Variants in LRIG3 observed in about 807,000 individuals in gnomAD.
LRIG3 encodes the protein leucine-rich repeats and immunoglobulin-like domains protein 3.
Under a neutral mutation model 114.5 loss-of-function variants are expected in LRIG3, and 76 were observed. The ratio of observed to expected loss-of-function variants is 0.66; its 90% CI spans 0.55 to 0.80. The LOEUF (loss-of-function observed/expected upper bound fraction) is 0.80. Ranked by LOEUF, LRIG3 falls within the 30% of genes least tolerant of loss-of-function variation. The probability of loss-of-function intolerance (pLI) is 0.00; values close to 1 mark genes in which losing one functional copy is unlikely to be tolerated. For missense variants in LRIG3, 1,239 were observed against 1,382.8 expected (o/e 0.90, Z 1.65); for synonymous variants, 512 against 519.8 (o/e 0.98, Z 0.20).
In LRIG3 at chr12:58,920,273, A is replaced by C. The variant is rs1247976566; in HGVS notation, c.-38T>G. The C allele has an allele frequency of 1.5e-6, 2 of 1,299,986 alleles. No homozygotes were observed. The highest frequency in any genetic ancestry group is 6.3e-5 in the East Asian group (2 of 31,518). 80.5% of individuals were successfully genotyped at this position (1,299,986 alleles called of 1,614,324 possible). A position where few individuals can be genotyped will look rare whatever the true frequency, so the allele number is the denominator to read the frequency against. ...GCCTAGGTCTCTACCCGAAGCTCCC[A>C]GCCGGCGCGCGCTCGGGGCCCGGCA... On this transcript the variant is annotated 5_prime_UTR_variant, in exon 1 of 19. Transcript: ENST00000320743.
intron 18 of LRIG3, chr12:58,873,750 T>C (rs1047847649): frequency 2.7e-5 from 11 of 414,398 alleles, no homozygotes; most frequent in Admixed American, 8.4e-5. Context: ...AAAACCACTT[T>C]TTCCACATGG....
chr12:58,906,047 C>A (rs774830497), intron 3 of LRIG3, among the ~76,000 whole-genome samples: 1 of 152,130 alleles, frequency 6.6e-6, no homozygotes. Flanking sequence ...GGAGAGCACA[C>A]GTCCTAGATA....
intron 4 of LRIG3, 66 bp from the exon 5 acceptor site, chr12:58,890,205 C>A (rs1871409325): frequency 1.4e-5 from 22 of 1,558,098 alleles, no homozygotes; most frequent in Non-Finnish European, 1.9e-5. Flanking sequence ...CAGGCCATCT[C>A]TGTATTAGAA....
intron 1 of LRIG3, among the ~76,000 whole-genome samples, chr12:58,917,854 CCTT>C (rs1872536804): frequency 1.3e-5 from 2 of 152,282 alleles, no homozygotes; most frequent in East Asian, 1.9e-4. Context: ...GAAATCATCT[CCTT>C]AAGACGATTT....
Position 58,874,432 on chromosome 12 carries a change from G to T in LRIG3, c.2837C>A (p.Thr946Lys). The change falls in exon 17 of 19, where the codon ACA becomes AAA. Residue 946 changes from threonine (T) to lysine (K), a missense_variant and splice_region_variant. Thr to Lys is a moderately conservative substitution (Grantham distance 78, BLOSUM62 -1). Coordinates refer to ENST00000320743, the MANE Select transcript of LRIG3 (RefSeq NM_153377.5). ...ACTCAAGCAAGAAAACCACCTACCT[G>T]TATGATATGTTTCAAAAGGATCTGA... Reference protein sequence around the residue: ...YGSDPFETYHTGCSPDPRTVL... With the variant: ...YGSDPFETYHKGCSPDPRTVL... The T allele has an allele frequency of 1.9e-6, 3 of 1,614,124 alleles. No homozygotes were observed. The South Asian group carries it at 3.3e-5, about 18-fold the overall frequency.
At chr12:58,900,382 T>A (rs1426832857) in intron 3 of LRIG3, among the ~76,000 whole-genome samples, 4 of 152,156 alleles carry the variant, frequency 2.6e-5, no homozygotes, top group Non-Finnish European at 5.9e-5. Context: ...ATTTGAACTG[T>A]ATCTTCTCTT....
chr12:58,878,565 A>T (rs145435593), intron 14 of LRIG3, among the ~76,000 whole-genome samples: 23 of 152,278 alleles, frequency 1.5e-4, no homozygotes, highest in African/African-American at 5.3e-4. Context: ...TAAAAGGGAA[A>T]GCATCCCAAC....
chr12:58,881,420 CA>C (rs376145825), intron 12 of LRIG3, among the ~76,000 whole-genome samples: 9,226 of 65,136 alleles, frequency 0.14, 345 homozygotes, highest in African/African-American at 0.22. Context: ...TAGGTAGAGG[CA>C]AAAAAAAAAA....
intron 13 of LRIG3, among the ~76,000 whole-genome samples, chr12:58,879,517 A>C (rs979701792): frequency 6.6e-6 from 1 of 152,136 alleles, no homozygotes; most frequent in African/African-American, 2.4e-5. Context: ...CTTTTAAGAT[A>C]CATGTTTTGC....
intron 3 of LRIG3, among the ~76,000 whole-genome samples, chr12:58,903,297 T>A (rs1288535809): frequency 6.6e-6 from 1 of 152,246 alleles, no homozygotes; most frequent in African/African-American, 2.4e-5. Flanking sequence ...ATTGTGGTTT[T>A]GATTTGCATT....
chr12:58,919,290 C>G, intron 1 of LRIG3: 1 of 1,186,456 alleles, frequency 8.4e-7, no homozygotes, highest in Non-Finnish European at 1.2e-6. Context: ...CATAAGAGCT[C>G]CCTGCGCTCT....
intron 3 of LRIG3, among the ~76,000 whole-genome samples, chr12:58,892,646 G>A (rs968424242): frequency 9.2e-5 from 14 of 152,166 alleles, no homozygotes; most frequent in African/African-American, 3.4e-4. Flanking sequence ...ATCACCCTTA[G>A]AATGTGTATA....
intron 1 of LRIG3, chr12:58,919,596 A>T: frequency 6.6e-7 from 1 of 1,525,894 alleles, no homozygotes; most frequent in Admixed American, 2.0e-5. Flanking sequence ...CTAAAACTGA[A>T]CCAGACTCAT....
chr12:58,919,946 T>C (rs1353358745), intron 1 of LRIG3, 54 bp downstream of exon 1: 1 of 1,501,368 alleles, frequency 6.7e-7, no homozygotes, highest in African/African-American at 1.4e-5. Context: ...CGGCTCCTGT[T>C]TTCTCGAATC....
chr12:58,875,100 A>G (rs562905740), intron 16 of LRIG3, among the ~76,000 whole-genome samples: 1 of 152,360 alleles, frequency 6.6e-6, no homozygotes, highest in East Asian at 1.9e-4. Flanking sequence ...GAAACTGGGC[A>G]GCAAGAGGTG....
intron 8 of LRIG3, 70 bp from the exon 9 acceptor site, chr12:58,886,960 A>G (rs10877182): frequency 0.042 from 49,024 of 1,159,398 alleles, 1,269 homozygotes; most frequent in Non-Finnish European, 0.048. Flanking sequence ...CCCAGGTGGC[A>G]TATCATTTGT....
intron 10 of LRIG3, among the ~76,000 whole-genome samples, chr12:58,885,243 G>C (rs1436534169): frequency 6.6e-6 from 1 of 152,028 alleles, no homozygotes; most frequent in African/African-American, 2.4e-5. Context: ...GGTAAGGGGG[G>C]GTTGTATGTT....
chr12:58,884,680 G>C (rs968489588), intron 10 of LRIG3, among the ~76,000 whole-genome samples: 1 of 152,108 alleles, frequency 6.6e-6, no homozygotes, highest in African/African-American at 2.4e-5. Flanking sequence ...GGTGGCTCAC[G>C]ATCCAAGTCT....
intron 12 of LRIG3, 125 bp from the exon 13 acceptor site, chr12:58,881,026 CAGATG>C: frequency 1.2e-6 from 1 of 848,718 alleles, no homozygotes; most frequent in Non-Finnish European, 1.9e-6. Context: ...GTATGTTTTC[CAGATG>C]GACTAGCCGT....
Sources: gnomAD v4.1 joint callset for allele counts (sites outside exome capture counted in the v4.1 genomes callset) on GRCh38, gnomAD v4.1.1 for gene constraint, MANE v1.5 for transcripts, NCBI Gene and HGNC (gene_info 2026-07-23, HGNC 2026-07-21) for gene names.